Variants in PRKAR2A observed in about 807,000 individuals in gnomAD.
PRKAR2A encodes the protein cAMP-dependent protein kinase type II-alpha regulatory subunit.
In PRKAR2A, 29 loss-of-function variants were observed where a neutral mutation model predicts 51.9. That is an observed-to-expected ratio of 0.56 (90% CI 0.42 to 0.76). The LOEUF (loss-of-function observed/expected upper bound fraction) is 0.76. Among genes scored for constraint, PRKAR2A ranks in the 30% least tolerant of loss-of-function variants. PRKAR2A has a pLI of 0.00. For synonymous variants in PRKAR2A, 178 were observed against 186.2 expected (o/e 0.96, Z 0.36); for missense variants, 445 against 512.1 (o/e 0.87, Z 1.26).
intron 1 of PRKAR2A, among the ~76,000 whole-genome samples, chr3:48,811,518 T>C (rs1373229576): frequency 1.3e-5 from 2 of 152,214 alleles, no homozygotes; most frequent in East Asian, 3.9e-4. Flanking sequence ...GCAACTTGGA[T>C]GAACCCCAAA....
At chr3:48,777,824 G>T (rs2082128627) in intron 5 of PRKAR2A, among the ~76,000 whole-genome samples, 1 of 152,182 alleles carries the variant, frequency 6.6e-6, no homozygotes, top group African/African-American at 2.4e-5. Flanking sequence ...TCTCAGGGGA[G>T]CTTACCACTC....
At chr3:48,777,550 C>T (rs2082124449) in intron 5 of PRKAR2A, among the ~76,000 whole-genome samples, 1 of 152,034 alleles carries the variant, frequency 6.6e-6, no homozygotes, top group South Asian at 2.1e-4. Context: ...GGACTACAGG[C>T]ACCCGCCACC....
intron 5 of PRKAR2A, among the ~76,000 whole-genome samples, chr3:48,781,980 T>TA (rs2082204397): frequency 6.6e-6 from 1 of 152,222 alleles, no homozygotes; most frequent in African/African-American, 2.4e-5. Flanking sequence ...AACTTTTCTG[T>TA]AACTCTGAAA....
intron 5 of PRKAR2A, among the ~76,000 whole-genome samples, chr3:48,773,546 A>C (rs1267969471): frequency 6.6e-6 from 1 of 151,592 alleles, no homozygotes; most frequent in South Asian, 2.1e-4. Flanking sequence ...TCACCATGTT[A>C]GCAGGATGGT....
chr3:48,782,952 T>C (rs374537905), intron 5 of PRKAR2A, 34 bp downstream of exon 5: 5 of 1,403,006 alleles, frequency 3.6e-6, no homozygotes, highest in Admixed American at 1.7e-5. Context: ...TCCGATTAAG[T>C]GTGGCCACAC....
chr3:48,837,345 T>C (rs2083302766), intron 1 of PRKAR2A, among the ~76,000 whole-genome samples: 1 of 152,118 alleles, frequency 6.6e-6, no homozygotes, highest in Non-Finnish European at 1.5e-5. Context: ...CATGGAAAGA[T>C]GTCCACTCAA....
chr3:48,812,296 T>A (rs2082787434), intron 1 of PRKAR2A, among the ~76,000 whole-genome samples: 1 of 152,048 alleles, frequency 6.6e-6, no homozygotes, highest in Non-Finnish European at 1.5e-5. Flanking sequence ...ACATTGAGAT[T>A]AGGGAGGGAG....
chr3:48,817,351 A>G (rs1450930862), intron 1 of PRKAR2A, among the ~76,000 whole-genome samples: 2 of 147,392 alleles, frequency 1.4e-5, no homozygotes, highest in Non-Finnish European at 3.0e-5. Context: ...AAATAAATAA[A>G]TAAATAAATA....
In PRKAR2A at chr3:48,822,724, G is replaced by GTT. The variant is rs773527587; in HGVS notation, c.263-15042_263-15041dup. On this transcript the variant is annotated intron_variant, in intron 1 of 10. Coordinates refer to ENST00000265563, the MANE Select transcript of PRKAR2A (RefSeq NM_004157.4). ...TGTGTTCATGATGCCCCAGGATGTT[G>GTT]TTTTTTTTTTTTTTTTTCTTTGAGA... 2.7e-3 allele frequency among the ~76,000 whole-genome samples: 348 copies of GTT among 130,384 alleles called. 4 individuals carry two copies. Among genetic ancestry groups the GTT allele is most frequent in the African/African-American group, 8.9e-3 (318 of 35,922 alleles). 85.5% of individuals were successfully genotyped at this position (130,384 alleles called of 152,430 possible). A position where few individuals can be genotyped will look rare whatever the true frequency, so the allele number is the denominator to read the frequency against.
chr3:48,838,645 G>C (rs577087650), intron 1 of PRKAR2A, among the ~76,000 whole-genome samples: 1 of 151,112 alleles, frequency 6.6e-6, no homozygotes, highest in Non-Finnish European at 1.5e-5. Context: ...AAACAAAACA[G>C]TATATGGGAC....
chr3:48,844,016 CA>C (rs2107472686), intron 1 of PRKAR2A, among the ~76,000 whole-genome samples: 1 of 149,348 alleles, frequency 6.7e-6, no homozygotes, highest in South Asian at 2.1e-4. Context: ...AGCTTCTGCA[CA>C]GCAAAAGAAA....
intron 6 of PRKAR2A, among the ~76,000 whole-genome samples, chr3:48,770,689 TAGAA>T (rs1156363853): frequency 1.3e-5 from 2 of 151,778 alleles, no homozygotes; most frequent in African/African-American, 4.8e-5. Flanking sequence ...GGCAAGGAAA[TAGAA>T]AGAATAGGAG....
At chr3:48,823,625 A>AT (rs200495345) in intron 1 of PRKAR2A, among the ~76,000 whole-genome samples, 1,730 of 151,084 alleles carry the variant, frequency 0.011, 28 homozygotes, top group Non-Finnish European at 0.012. Flanking sequence ...CTACAAAAAA[A>AT]TTTTTTTTTA....
chr3:48,814,256 A>T (rs1010929888), intron 1 of PRKAR2A, among the ~76,000 whole-genome samples: 8 of 144,992 alleles, frequency 5.5e-5, no homozygotes, highest in South Asian at 4.3e-4. Flanking sequence ...CAAAAAGATT[A>T]AAAAAAAAAA....
chr3:48,794,180 T>C (rs2082450827), intron 2 of PRKAR2A, 131 bp from the exon 3 acceptor site: 6 of 678,642 alleles, frequency 8.8e-6, no homozygotes, highest in Non-Finnish European at 1.4e-5. Flanking sequence ...AGACAGAGTT[T>C]TGCTCTTGTT....
At chr3:48,833,218 T>G (rs534159068) in intron 1 of PRKAR2A, among the ~76,000 whole-genome samples, 97 of 152,258 alleles carry the variant, frequency 6.4e-4, no homozygotes, top group Admixed American at 1.7e-3. Context: ...TTTAATTTTT[T>G]GAAAAGATGG....
chr3:48,768,876 A>G (rs2081980213), intron 6 of PRKAR2A, among the ~76,000 whole-genome samples: 1 of 151,936 alleles, frequency 6.6e-6, no homozygotes, highest in Non-Finnish European at 1.5e-5. Context: ...AGGTGGGTGG[A>G]TCACTTGAGG....
At chr3:48,758,833 GA>G (rs2081816986) in intron 8 of PRKAR2A, among the ~76,000 whole-genome samples, 2 of 152,108 alleles carry the variant, frequency 1.3e-5, no homozygotes, top group Non-Finnish European at 2.9e-5. Flanking sequence ...CAATTTTGTG[GA>G]TGACTTTCCT....
Position 48,749,996 on chromosome 3 carries a change from G to A in PRKAR2A, c.*1589C>T, listed in dbSNP as rs575712510. On this transcript the variant is annotated 3_prime_UTR_variant, in exon 11 of 11. Transcript: ENST00000265563. ...TGTTGCCTTGACCTCCTGGGCTCAA[G>A]TGATCCTTCCACCTCAGCCTCCTAA... 1 of 151,594 alleles carries A rather than the reference G, an allele frequency of 6.6e-6. No homozygotes were observed. The highest frequency in any genetic ancestry group is 2.4e-5 in the African/African-American group (1 of 41,278). 9.4% of individuals were successfully genotyped at this position (151,594 alleles called of 1,614,324 possible). A position where few individuals can be genotyped will look rare whatever the true frequency, so the allele number is the denominator to read the frequency against.
Sources: gnomAD v4.1 joint callset for allele counts (sites outside exome capture counted in the v4.1 genomes callset) on GRCh38, gnomAD v4.1.1 for gene constraint, MANE v1.5 for transcripts, NCBI Gene and HGNC (gene_info 2026-07-23, HGNC 2026-07-21) for gene names.